The following PCDHGA8 variants were observed in gnomAD, a reference collection of about 807,000 sequenced individuals.
PCDHGA8 encodes protocadherin gamma subfamily A, 8.
Under a neutral mutation model 59.2 loss-of-function variants are expected in PCDHGA8, and 45 were observed. The ratio of observed to expected loss-of-function variants is 0.76; its 90% CI spans 0.60 to 0.98. The LOEUF is 0.98. Ranked by LOEUF, PCDHGA8 falls within the 50% of genes least tolerant of loss-of-function variation. The pLI, the probability that PCDHGA8 is intolerant of heterozygous loss-of-function variation, is 0.00. For synonymous variants in PCDHGA8, 531 were observed against 519.0 expected (o/e 1.02, Z -0.32); for missense variants, 1,257 against 1,196.2 (o/e 1.05, Z -0.75).
At chr5:141,426,022 T>A (rs1174153557) in intron 1 of PCDHGA8, among the ~76,000 whole-genome samples, 3 of 152,204 alleles carry the variant, frequency 2.0e-5, no homozygotes, top group Admixed American at 2.0e-4. Flanking sequence ...GTTTTCTAAA[T>A]AGACTCAGAG....
chr5:141,427,222 A>G (rs536161247), intron 1 of PCDHGA8: 1 of 456,774 alleles, frequency 2.2e-6, no homozygotes, highest in South Asian at 1.5e-5. Flanking sequence ...CGTAGCAGTT[A>G]TACCATGAGA....
Position 141,486,785 on chromosome 5 carries a change from C to G in PCDHGA8, c.2425-8022C>G, listed in dbSNP as rs763174232. The G allele has an allele frequency of 2.8e-5, 45 of 1,614,102 alleles. No homozygotes were observed. The highest frequency in any genetic ancestry group is 3.6e-5 in the Non-Finnish European group (42 of 1,180,050). On this transcript the variant is annotated intron_variant, in intron 1 of 3. Coordinates refer to ENST00000398604, the MANE Select transcript of PCDHGA8 (RefSeq NM_032088.2). The surrounding 1 kb of genome is among the most constrained non-coding windows in gnomAD (Gnocchi z 5.0). ...GACACTGCAGTTTGAGGTGCAGGCC[C>G]GGGATCGGGGCAACCCACCCCTTAG... is the stretch of plus-strand genomic sequence containing the variant.
Position 141,450,757 on chromosome 5 carries a change from G to A in PCDHGA8, c.2425-44050G>A, listed in dbSNP as rs575351311. Among the ~76,000 whole-genome samples, 5 of 151,964 alleles carry A rather than the reference G, an allele frequency of 3.3e-5. No individual in the cohort carries two copies. In the East Asian group the frequency reaches 9.7e-4, roughly 29 times the overall value. ...CCGCCTTGGCCTCCCAAAGTGCCGG[G>A]ATTACAGGCATGAGCCACCGTGCCC... On this transcript the variant is annotated intron_variant, in intron 1 of 3. Coordinates refer to ENST00000398604, the MANE Select transcript of PCDHGA8 (RefSeq NM_032088.2).
At position 141,393,275 on chromosome 5, in the gene PCDHGA8, C is replaced by T. The variant is rs769641711; in HGVS notation, c.462C>T (p.Leu154=). The T allele has an allele frequency of 2.5e-6, 4 of 1,613,828 alleles. No individual in the cohort carries two copies. Among genetic ancestry groups the T allele is most frequent in the East Asian group, 4.5e-5 (2 of 44,894 alleles). Residue 154 remains leucine (L), a synonymous_variant, in exon 1 of 4, where the codon CTC becomes CTT. Transcript: ENST00000398604. Reference sequence around the variant, plus strand: ...CGGTTCCTGGAGCACGTTATCCACTCCCAGAAGCTGTTGACCCGGATGTGG... The same window carrying T: ...CGGTTCCTGGAGCACGTTATCCACTTCCAGAAGCTGTTGACCCGGATGTGG... ...EIAVPGARYP[L]PEAVDPDVGV...
At chr5:141,504,842 A>G (rs944461166) in intron 2 of PCDHGA8, among the ~76,000 whole-genome samples, 7 of 151,968 alleles carry the variant, frequency 4.6e-5, no homozygotes, top group African/African-American at 1.7e-4. Context: ...CTAGCTCTGG[A>G]ACATTCTCTT....
intron 2 of PCDHGA8, among the ~76,000 whole-genome samples, chr5:141,500,775 T>C (rs1251282826): frequency 6.6e-6 from 1 of 152,218 alleles, no homozygotes; most frequent in Non-Finnish European, 1.5e-5. Context: ...CTTATGAATA[T>C]ACATATTATT....
chr5:141,506,398 A>T (rs902405970), intron 3 of PCDHGA8, among the ~76,000 whole-genome samples: 6 of 151,394 alleles, frequency 4.0e-5, no homozygotes, highest in Admixed American at 2.6e-4. Context: ...GTGAGCAGAA[A>T]ATCGCACCAC....
Position 141,408,609 on chromosome 5 carries a change from A to T in PCDHGA8, c.2424+13372A>T, listed in dbSNP as rs765291231. 3 of 1,613,970 alleles carry T rather than the reference A, an allele frequency of 1.9e-6. No homozygotes were observed. The highest frequency in any genetic ancestry group is 2.5e-6 in the Non-Finnish European group (3 of 1,179,916). On this transcript the variant is annotated intron_variant, in intron 1 of 3. Coordinates refer to ENST00000398604, the MANE Select transcript of PCDHGA8 (RefSeq NM_032088.2). ...GACCACGCCCCTCAATTTGATAAAA[A>T]GGAAATACATTTAGAAATTTTCGAA...
At chr5:141,420,699 C>T (rs2096518531) in intron 1 of PCDHGA8, among the ~76,000 whole-genome samples, 1 of 152,236 alleles carries the variant, frequency 6.6e-6, no homozygotes, top group African/African-American at 2.4e-5. Context: ...ATTATTTCCA[C>T]TTCCAGAAAT....
At chr5:141,465,457 C>G (rs956070103) in intron 1 of PCDHGA8, among the ~76,000 whole-genome samples, 1 of 152,214 alleles carries the variant, frequency 6.6e-6, no homozygotes, top group Non-Finnish European at 1.5e-5. Context: ...AAAACTCTCA[C>G]CAAATTGCCC....
chr5:141,490,399 C>T lies in PCDHGA8; in HGVS notation c.2425-4408C>T. The T allele has an allele frequency of 1.2e-6, 2 of 1,614,148 alleles. No homozygotes were observed. Among genetic ancestry groups the T allele is most frequent in the Non-Finnish European group, 1.7e-6 (2 of 1,180,016 alleles). On this transcript the variant is annotated intron_variant, in intron 1 of 3. Transcript: ENST00000398604. This position sits in a 1 kb window ranked among gnomAD's most constrained non-coding sequence, Gnocchi z 5.4. ...CTCAGGTAGAAATGGTGAAGTGAGC[C>T]TTGATATCTCTCCGGACCTGCCATT... is the stretch of plus-strand genomic sequence containing the variant.
intron 1 of PCDHGA8, among the ~76,000 whole-genome samples, chr5:141,466,268 T>A (rs568525260): frequency 6.6e-6 from 1 of 152,150 alleles, no homozygotes; most frequent in Non-Finnish European, 1.5e-5. Context: ...CCTCGTGAGC[T>A]CAAGCAATCT....
rs576318312 is a variant in PCDHGA8, at chr5:141,410,171, A to G, written c.2424+14934A>G. On this transcript the variant is annotated intron_variant, in intron 1 of 3. Coordinates refer to ENST00000398604, the MANE Select transcript of PCDHGA8 (RefSeq NM_032088.2). ...CGGTGGACAGCCGCCACTCTCTGCCACCGCCACGCTTCATCTGGTCTTCGC... is the reference window on the plus strand; with the variant it reads ...CGGTGGACAGCCGCCACTCTCTGCCGCCGCCACGCTTCATCTGGTCTTCGC... 181 of 1,613,780 alleles carry G rather than the reference A, an allele frequency of 1.1e-4. 1 individual carries two copies. The East Asian group carries it at 4.0e-3, about 36-fold the overall frequency.
chr5:141,414,457 G>A (rs1319960665), intron 1 of PCDHGA8: 7 of 1,613,872 alleles, frequency 4.3e-6, no homozygotes, highest in Non-Finnish European at 5.9e-6. Flanking sequence ...CACAGTGACA[G>A]CCACAGATGG....
chr5:141,415,110 C>G (rs1490074484), intron 1 of PCDHGA8: 2 of 1,613,548 alleles, frequency 1.2e-6, no homozygotes, highest in East Asian at 2.2e-5. Flanking sequence ...TCAAGCAAAG[C>G]CTCGTAGTGG....
chr5:141,408,339 T>C lies in PCDHGA8; in HGVS notation c.2424+13102T>C, dbSNP rs768142301. 1.7e-5 allele frequency: 27 copies of C among 1,613,672 alleles called. No homozygotes were observed. In the Middle Eastern group the frequency reaches 9.9e-4, roughly 59 times the overall value. ...CCGGAGGAGCTGGCCAAGGGCTCGGTGGTGGGGAACCTCGCTAAGGATCTA... is the reference window on the plus strand; with the variant it reads ...CCGGAGGAGCTGGCCAAGGGCTCGGCGGTGGGGAACCTCGCTAAGGATCTA... On this transcript the variant is annotated intron_variant, in intron 1 of 3. Coordinates refer to ENST00000398604, the MANE Select transcript of PCDHGA8 (RefSeq NM_032088.2).
chr5:141,452,701 G>A (rs2098747163), intron 1 of PCDHGA8, among the ~76,000 whole-genome samples: 1 of 151,838 alleles, frequency 6.6e-6, no homozygotes, highest in Non-Finnish European at 1.5e-5. Context: ...TGTCAAGAAA[G>A]AAAGGAAGGA....
intron 1 of PCDHGA8, among the ~76,000 whole-genome samples, chr5:141,463,518 G>T (rs537466389): frequency 7.2e-6 from 1 of 139,068 alleles, no homozygotes; most frequent in African/African-American, 2.8e-5. Context: ...GCGTGATCTC[G>T]GCTTACTAGA....
At position 141,410,454 on chromosome 5, in the gene PCDHGA8, C is replaced by T. The variant is rs199849689; in HGVS notation, c.2424+15217C>T. 5,103 of 1,614,034 alleles carry T rather than the reference C, an allele frequency of 3.2e-3. 16 individuals are homozygous for T. Among genetic ancestry groups the T allele is most frequent in the Non-Finnish European group, 4.0e-3 (4,661 of 1,179,898 alleles). On this transcript the variant is annotated intron_variant, in intron 1 of 3. Transcript: ENST00000398604. ...TACAGTGAGGGGACTTTGCCTTATT[C>T]TTATAATCTGTGCATTGCACATACG... is the stretch of plus-strand genomic sequence containing the variant.
Sources: gnomAD v4.1 joint callset for allele counts (sites outside exome capture counted in the v4.1 genomes callset) on GRCh38, gnomAD v4.1.1 for gene constraint, Gnocchi (gnomAD v3.1) non-coding constraint, MANE v1.5 for transcripts, NCBI Gene and HGNC (gene_info 2026-07-23, HGNC 2026-07-21) for gene names.